Variants in ANKRD55 observed in about 807,000 individuals in gnomAD.
ANKRD55 encodes ankyrin repeat domain 55, also known as ankyrin repeat domain-containing protein 55.
A neutral mutation model predicts 60.6 loss-of-function variants in ANKRD55; 41 were observed. The ratio of observed to expected loss-of-function variants is 0.68; its 90% CI spans 0.53 to 0.88. The LOEUF is 0.88. ANKRD55 is among the 40% of genes least tolerant of loss of function. The pLI, the probability that ANKRD55 is intolerant of heterozygous loss-of-function variation, is 0.00. For missense variants in ANKRD55, 732 were observed against 767.6 expected (o/e 0.95, Z 0.55); for synonymous variants, 264 against 290.3 (o/e 0.91, Z 0.92).
chr5:56,143,759 C>A (rs1757827455), intron 7 of ANKRD55, 42 bp downstream of exon 7: 3 of 1,611,204 alleles, frequency 1.9e-6, no homozygotes, highest in East Asian at 4.5e-5. Context: ...CACTGCTTTC[C>A]ACCATTTAAA....
At chr5:56,158,203 G>A (rs890120463) in intron 6 of ANKRD55, among the ~76,000 whole-genome samples, 5 of 151,948 alleles carry the variant, frequency 3.3e-5, no homozygotes, top group South Asian at 4.2e-4. Context: ...AGGCAGATGC[G>A]GGGGCATCTG....
At chr5:56,145,810 C>T (rs1229018232) in intron 6 of ANKRD55, among the ~76,000 whole-genome samples, 4 of 152,118 alleles carry the variant, frequency 2.6e-5, no homozygotes, top group African/African-American at 7.2e-5. Context: ...GACAGTGAAC[C>T]TCCAGAGATA....
intron 2 of ANKRD55, among the ~76,000 whole-genome samples, chr5:56,230,941 T>C (rs1760236406): frequency 6.6e-6 from 1 of 151,270 alleles, no homozygotes; most frequent in African/African-American, 2.4e-5. Flanking sequence ...AAAATACTTA[T>C]TGAATATCAG....
In ANKRD55 at chr5:56,166,153, T is replaced by TCCTTCCTTCCTTC. The variant is rs1554040810; in HGVS notation, c.422+4540_422+4541insGAAGGAAGGAAGG. ...TTCTTTCTTTCTTTCTTTCTTTCTT[T>TCCTTCCTTCCTTC]CTTCTTTCCTTCCTTCCTTCCTTCC... On this transcript the variant is annotated intron_variant, in intron 5 of 11. Coordinates refer to ENST00000341048, the MANE Select transcript of ANKRD55 (RefSeq NM_024669.3). Among the ~76,000 whole-genome samples the TCCTTCCTTCCTTC allele has an allele frequency of 4.0e-4, 20 of 49,532 alleles. 1 individual carries two copies. Among genetic ancestry groups the TCCTTCCTTCCTTC allele is most frequent in the African/African-American group, 9.0e-4 (11 of 12,274 alleles). The allele number at this position is 49,532 out of a possible 152,430, so 32.5% of individuals were successfully genotyped here. A position where few individuals can be genotyped will look rare whatever the true frequency, so the allele number is the denominator to read the frequency against.
At chr5:56,112,367 T>A (rs538035223) in intron 9 of ANKRD55, among the ~76,000 whole-genome samples, 16 of 151,688 alleles carry the variant, frequency 1.1e-4, no homozygotes, top group Non-Finnish European at 2.1e-4. Flanking sequence ...AAAGTACTTT[T>A]AAAAAAAGTA....
chr5:56,176,420 C>CAACAATCAGCT, intron 3 of ANKRD55, 138 bp from the exon 4 acceptor site: 1 of 865,340 alleles, frequency 1.2e-6, no homozygotes, highest in Non-Finnish European at 1.8e-6. Context: ...GGAGATGAAG[C>CAACAATCAGCT]TGATTGTTGC....
chr5:56,110,399 A>C (rs1756647120), intron 10 of ANKRD55, among the ~76,000 whole-genome samples: 1 of 152,180 alleles, frequency 6.6e-6, no homozygotes, highest in Non-Finnish European at 1.5e-5. Flanking sequence ...ACCTTGTCTC[A>C]AATAAATAAA....
At chr5:56,193,849 A>G (rs1759165872) in intron 2 of ANKRD55, among the ~76,000 whole-genome samples, 1 of 152,218 alleles carries the variant, frequency 6.6e-6, no homozygotes, top group African/African-American at 2.4e-5. Context: ...ATAAAAATAT[A>G]TCTATATATA....
intron 3 of ANKRD55, among the ~76,000 whole-genome samples, chr5:56,178,586 A>G (rs1361661066): frequency 6.6e-6 from 1 of 152,110 alleles, no homozygotes; most frequent in Admixed American, 6.5e-5. Context: ...CTTAAACAAA[A>G]GCAATAGGAA....
chr5:56,106,659 T>C (rs1031265903), intron 10 of ANKRD55, among the ~76,000 whole-genome samples: 1 of 152,064 alleles, frequency 6.6e-6, no homozygotes, highest in South Asian at 2.1e-4. Context: ...CTCGAACTCC[T>C]GACCTCAGGT....
chr5:56,166,158 T>TTTCC (rs1180954187), intron 5 of ANKRD55, among the ~76,000 whole-genome samples: 1,340 of 72,324 alleles, frequency 0.019, 50 homozygotes, highest in East Asian at 0.045. Context: ...TTCTTTCTTC[T>TTTCC]TTCCTTCCTT....
chr5:56,227,661 C>T (rs1004824482), intron 2 of ANKRD55, among the ~76,000 whole-genome samples: 1 of 151,246 alleles, frequency 6.6e-6, no homozygotes, highest in Middle Eastern at 3.2e-3. Flanking sequence ...AAGGAAAAGA[C>T]ATTCTGCAGT....
chr5:56,171,449 C>A (rs1021142160), intron 4 of ANKRD55, among the ~76,000 whole-genome samples: 1 of 152,214 alleles, frequency 6.6e-6, no homozygotes, highest in Non-Finnish European at 1.5e-5. Flanking sequence ...ATGCTTGTCT[C>A]CTCCTCGGTC....
At chr5:56,164,581 G>T (rs1416953778) in intron 5 of ANKRD55, among the ~76,000 whole-genome samples, 1 of 152,206 alleles carries the variant, frequency 6.6e-6, no homozygotes, top group African/African-American at 2.4e-5. Flanking sequence ...CCTTCAGAGA[G>T]CCCCGTGGCT....
At chr5:56,209,302 T>C (rs1379537758) in intron 2 of ANKRD55, among the ~76,000 whole-genome samples, 1 of 152,102 alleles carries the variant, frequency 6.6e-6, no homozygotes, top group African/African-American at 2.4e-5. Context: ...TAAGATAAAA[T>C]TTGAAAATGT....
chr5:56,144,961 C>A (rs72767222), intron 6 of ANKRD55, among the ~76,000 whole-genome samples: 28,167 of 152,060 alleles, frequency 0.19, 2,626 homozygotes, highest in South Asian at 0.26. Flanking sequence ...GCATGGGCAG[C>A]TTTGAAGACT....
chr5:56,110,969 G>A, intron 10 of ANKRD55, 149 bp downstream of exon 10: 1 of 864,116 alleles, frequency 1.2e-6, no homozygotes, highest in Non-Finnish European at 1.8e-6. Context: ...CAAATCCAGT[G>A]CACTTTGGGA....
intron 2 of ANKRD55, among the ~76,000 whole-genome samples, chr5:56,227,425 C>A (rs1760145985): frequency 6.6e-6 from 1 of 151,938 alleles, no homozygotes; most frequent in Non-Finnish European, 1.5e-5. Context: ...CAATATGGCA[C>A]ATGTATACAT....
chr5:56,138,416 G>T (rs143549502), intron 7 of ANKRD55, among the ~76,000 whole-genome samples: 4 of 152,210 alleles, frequency 2.6e-5, no homozygotes, highest in African/African-American at 9.6e-5. Flanking sequence ...GTGAGCCAAC[G>T]TGCCTGGTCA....
Sources: allele counts gnomAD v4.1 joint callset (sites outside exome capture counted in the v4.1 genomes callset), GRCh38; gene constraint gnomAD v4.1.1; transcripts MANE v1.5; gene names NCBI Gene and HGNC (gene_info 2026-07-23, HGNC 2026-07-21).